The following CNTNAP2 variants were observed in gnomAD, a reference collection of about 807,000 sequenced individuals.
CNTNAP2 encodes contactin-associated protein-like 2.
In CNTNAP2, 98 loss-of-function variants were observed where a neutral mutation model predicts 155.2. The ratio of observed to expected loss-of-function variants is 0.63; its 90% CI spans 0.54 to 0.75. The LOEUF (loss-of-function observed/expected upper bound fraction) is 0.75, where lower values mean the gene tolerates loss of function less well. Ranked by LOEUF, CNTNAP2 falls within the 30% of genes least tolerant of loss-of-function variation. CNTNAP2 has a pLI of 0.00. For missense variants in CNTNAP2, 1,727 were observed against 1,688.1 expected (o/e 1.02, Z -0.40); for synonymous variants, 651 against 631.2 (o/e 1.03, Z -0.47).
intron 1 of CNTNAP2, among the ~76,000 whole-genome samples, chr7:146,192,729 C>T (rs1213711629): frequency 2.0e-5 from 3 of 152,108 alleles, no homozygotes; most frequent in Admixed American, 6.6e-5. Flanking sequence ...ATCTCATGTC[C>T]CCACATTTCA....
chr7:147,101,419 C>A (rs1192175101), intron 4 of CNTNAP2, among the ~76,000 whole-genome samples: 1 of 152,158 alleles, frequency 6.6e-6, no homozygotes, highest in Non-Finnish European at 1.5e-5. Flanking sequence ...TGGGCCCTGG[C>A]TCCACGGCAG....
At chr7:147,944,387 G>C (rs1421804766) in intron 14 of CNTNAP2, among the ~76,000 whole-genome samples, 1 of 152,162 alleles carries the variant, frequency 6.6e-6, no homozygotes, top group East Asian at 1.9e-4. Context: ...ATGCAGTAAG[G>C]AGAAATATTA....
intron 15 of CNTNAP2, among the ~76,000 whole-genome samples, chr7:148,051,494 G>A (rs544782949): frequency 1.2e-4 from 18 of 151,978 alleles, no homozygotes; most frequent in African/African-American, 3.4e-4. Flanking sequence ...CAAAGCCATC[G>A]TAATTAAAAG....
At chr7:146,731,595 A>C (rs1207656379) in intron 1 of CNTNAP2, among the ~76,000 whole-genome samples, 1 of 152,144 alleles carries the variant, frequency 6.6e-6, no homozygotes, top group Non-Finnish European at 1.5e-5. Context: ...CTGTTGATAC[A>C]ACTCACAATA....
chr7:147,890,346 A>G (rs1227709743), intron 13 of CNTNAP2, among the ~76,000 whole-genome samples: 1 of 152,238 alleles, frequency 6.6e-6, no homozygotes. Flanking sequence ...CCAAGCATCC[A>G]TCTTAAGATA....
Position 146,791,229 on chromosome 7 carries a change from C to T in CNTNAP2, c.208+16848C>T, listed in dbSNP as rs565764323. Among the ~76,000 whole-genome samples, 37 of 152,128 alleles carry T rather than the reference C, an allele frequency of 2.4e-4. 1 individual carries two copies. The East Asian group carries it at 5.6e-3, about 23-fold the overall frequency. ...TCCTGCCTTAGTTTGCTGAGAATGG[C>T]GGTTTCCAGCTTCATCCATGTCCCT... is the stretch of plus-strand genomic sequence containing the variant. On this transcript the variant is annotated intron_variant, in intron 2 of 23. Transcript: ENST00000361727.
chr7:147,491,092 C>T (rs1798601831), intron 11 of CNTNAP2, among the ~76,000 whole-genome samples: 2 of 152,088 alleles, frequency 1.3e-5, no homozygotes, highest in Admixed American at 6.5e-5. Context: ...CAGAGCCAAA[C>T]CATAGCAGGT....
At chr7:147,316,270 A>G (rs548729464) in intron 9 of CNTNAP2, among the ~76,000 whole-genome samples, 2 of 152,236 alleles carry the variant, frequency 1.3e-5, no homozygotes, top group South Asian at 4.1e-4. Context: ...ATAAAAATGT[A>G]GGAAAAAAAC....
chr7:147,409,459 C>T (rs1797065648), intron 10 of CNTNAP2, among the ~76,000 whole-genome samples: 1 of 152,148 alleles, frequency 6.6e-6, no homozygotes, highest in Admixed American at 6.5e-5. Context: ...TGCAATACAA[C>T]ATATGCAGTA....
intron 12 of CNTNAP2, among the ~76,000 whole-genome samples, chr7:147,624,137 T>C (rs73470907): frequency 0.09 from 13,676 of 152,022 alleles, 1,707 homozygotes; most frequent in African/African-American, 0.26. Context: ...AGCAAAGACC[T>C]CAAAATATGA....
rs1041686520 is a variant in CNTNAP2, at chr7:147,476,348, G to A, written c.1671-9587G>A. On this transcript the variant is annotated intron_variant, in intron 10 of 23. Transcript: ENST00000361727. ...TCTCAATCTGCTGACCTCATGATCC[G>A]CCCACCTCAGCCTCCCAAAGTGCTG... Among the ~76,000 whole-genome samples the A allele has an allele frequency of 3.3e-5, 5 of 149,654 alleles. No homozygotes were observed. The East Asian group carries it at 5.9e-4, about 18-fold the overall frequency.
chr7:146,229,674 T>C (rs1419241181), intron 1 of CNTNAP2, among the ~76,000 whole-genome samples: 16 of 152,182 alleles, frequency 1.1e-4, no homozygotes, highest in Admixed American at 1.0e-3. Context: ...CATCTTTTGG[T>C]AGTAAACTTC....
At chr7:146,549,829 G>A (rs527354609) in intron 1 of CNTNAP2, among the ~76,000 whole-genome samples, 8 of 152,162 alleles carry the variant, frequency 5.3e-5, no homozygotes, top group African/African-American at 1.9e-4. Flanking sequence ...GCCCTGAGAA[G>A]CAGAAGCCTG....
chr7:148,021,592 T>C (rs1332470399), intron 15 of CNTNAP2, among the ~76,000 whole-genome samples: 3 of 152,158 alleles, frequency 2.0e-5, no homozygotes, highest in Non-Finnish European at 4.4e-5. Flanking sequence ...GGATCAACTA[T>C]CATTGGGCAT....
chr7:147,021,452 T>C (rs938427906), intron 3 of CNTNAP2, among the ~76,000 whole-genome samples: 2 of 152,150 alleles, frequency 1.3e-5, no homozygotes, highest in Admixed American at 6.5e-5. Flanking sequence ...GTATGATATA[T>C]TTCTCAGACT....
At chr7:146,132,339 A>T (rs2116738016) in intron 1 of CNTNAP2, among the ~76,000 whole-genome samples, 1 of 152,344 alleles carries the variant, frequency 6.6e-6, no homozygotes, top group East Asian at 1.9e-4. Flanking sequence ...TAATATGCAT[A>T]TAAACTACCT....
At chr7:147,933,327 C>A (rs942777418) in intron 14 of CNTNAP2, among the ~76,000 whole-genome samples, 1 of 152,072 alleles carries the variant, frequency 6.6e-6, no homozygotes, top group African/African-American at 2.4e-5. Flanking sequence ...TGGCCATTTA[C>A]TCCCCCAAAA....
chr7:147,483,030 T>A (rs868110668), intron 10 of CNTNAP2, among the ~76,000 whole-genome samples: 1 of 151,798 alleles, frequency 6.6e-6, no homozygotes, highest in African/African-American at 2.4e-5. Context: ...TGGGTGACTC[T>A]GTCTCAAAAA....
At chr7:146,344,631 A>G (rs922812783) in intron 1 of CNTNAP2, among the ~76,000 whole-genome samples, 5 of 152,088 alleles carry the variant, frequency 3.3e-5, no homozygotes, top group Admixed American at 3.3e-4. Flanking sequence ...GGCATGGGCC[A>G]CCATGCCCTG....
Sources: allele counts gnomAD v4.1 joint callset (sites outside exome capture counted in the v4.1 genomes callset), GRCh38; gene constraint gnomAD v4.1.1; transcripts MANE v1.5; gene names NCBI Gene and HGNC (gene_info 2026-07-23, HGNC 2026-07-21).